The following ALMS1 variants were observed in gnomAD, a reference collection of about 807,000 sequenced individuals.
ALMS1 encodes the protein ALMS1 centrosome and basal body associated protein.
In ALMS1, 271 loss-of-function variants were observed where a neutral mutation model predicts 352.2. The observed-to-expected ratio is 0.77, with a 90% CI of 0.70 to 0.85. The LOEUF (loss-of-function observed/expected upper bound fraction) is 0.85, where lower values mean the gene tolerates loss of function less well. Among genes scored for constraint, ALMS1 ranks in the 40% least tolerant of loss-of-function variants. The pLI, the probability that ALMS1 is intolerant of heterozygous loss-of-function variation, is 0.00. For synonymous variants in ALMS1, 1,865 were observed against 1,761.2 expected (o/e 1.06, Z -1.48); for missense variants, 5,445 against 4,870.7 (o/e 1.12, Z -3.51).
At chr2:73,596,317 G>C (rs971767538) in intron 16 of ALMS1, among the ~76,000 whole-genome samples, 3 of 152,058 alleles carry the variant, frequency 2.0e-5, no homozygotes, top group Non-Finnish European at 4.4e-5. Context: ...TCATCTCTTT[G>C]CATAGGGATA....
rs1025143120 is a variant in ALMS1, at chr2:73,514,010, T to G, written c.9540-5765T>G. ...TGGGAAAGATAAAAGAAAGGGAGAA[T>G]AGAAACACAGGAGAGGGGAAAGAGA... is the stretch of plus-strand genomic sequence containing the variant. On this transcript the variant is annotated intron_variant, in intron 10 of 22. Coordinates refer to ENST00000613296, the MANE Select transcript of ALMS1 (RefSeq NM_001378454.1). Among the ~76,000 whole-genome samples, 3 of 152,270 alleles carry G rather than the reference T, an allele frequency of 2.0e-5. No homozygotes were observed. In the South Asian group the frequency reaches 6.2e-4, roughly 32 times the overall value.
chr2:73,418,169 G>T (rs1671215182), intron 2 of ALMS1, among the ~76,000 whole-genome samples: 1 of 152,060 alleles, frequency 6.6e-6, no homozygotes, highest in Non-Finnish European at 1.5e-5. Context: ...TAGCATTTTA[G>T]TAAAGTGTCA....
chr2:73,406,919 C>G (rs970962360), intron 1 of ALMS1, among the ~76,000 whole-genome samples: 3 of 152,220 alleles, frequency 2.0e-5, no homozygotes, highest in Admixed American at 2.0e-4. Flanking sequence ...GCCACCGCAC[C>G]TGGCCAAAGT....
intron 7 of ALMS1, among the ~76,000 whole-genome samples, chr2:73,442,750 T>C (rs1054142225): frequency 2.0e-5 from 3 of 152,156 alleles, no homozygotes; most frequent in African/African-American, 7.2e-5. Flanking sequence ...CTAGGTAATA[T>C]CAACACCCAG....
intron 10 of ALMS1, among the ~76,000 whole-genome samples, chr2:73,514,553 T>C (rs1302650245): frequency 6.6e-6 from 1 of 152,126 alleles, no homozygotes; most frequent in African/African-American, 2.4e-5. Flanking sequence ...TTCTTTTCCA[T>C]ATATATGTAT....
chr2:73,493,414 A>G (rs1284716877), intron 10 of ALMS1, among the ~76,000 whole-genome samples: 3 of 151,174 alleles, frequency 2.0e-5, no homozygotes, highest in African/African-American at 7.3e-5. Context: ...AAATATATAT[A>G]TAATACCTTA....
At chr2:73,608,635 A>C in intron 22 of ALMS1, 61 bp downstream of exon 22, 1 of 1,333,398 alleles carries the variant, frequency 7.5e-7, no homozygotes, top group Non-Finnish European at 1.1e-6. Flanking sequence ...AGAGAAATGG[A>C]GAAAACACGT....
intron 15 of ALMS1, among the ~76,000 whole-genome samples, chr2:73,571,660 A>G (rs1465535650): frequency 1.3e-5 from 2 of 152,210 alleles, no homozygotes; most frequent in Non-Finnish European, 2.9e-5. Flanking sequence ...AAGATATTAC[A>G]TCTAAAAATG....
chr2:73,434,060 GTTTC>G (rs757005544), intron 7 of ALMS1, among the ~76,000 whole-genome samples: 5 of 151,214 alleles, frequency 3.3e-5, no homozygotes, highest in Admixed American at 6.6e-5. Context: ...AAATAAACTG[GTTTC>G]TTTATTTTTT....
chr2:73,559,014 G>A lies in ALMS1; in HGVS notation c.10256G>A (p.Gly3419Glu). 6.2e-7 allele frequency: 1 copy of A among 1,614,022 alleles called. No homozygotes were observed. Among genetic ancestry groups the A allele is most frequent in the East Asian group, 2.2e-5 (1 of 44,874 alleles). ...GCTGCAGAGCACTCAGCTCAAGTAG[G>A]AGACCCAGAAATGAAGAACTTGCCA... Reference protein sequence around the residue: ...AAAAEHSAQVGDPEMKNLPDT... With the variant: ...AAAAEHSAQVEDPEMKNLPDT... The change falls in exon 15 of 23, where the codon GGA becomes GAA. Residue 3419 changes from glycine to glutamate, a missense_variant. By Grantham distance (98) the Gly-to-Glu change is moderately conservative (BLOSUM62 -2). Coordinates refer to ENST00000613296, the MANE Select transcript of ALMS1 (RefSeq NM_001378454.1).
At chr2:73,532,516 A>G (rs534841940) in intron 11 of ALMS1, among the ~76,000 whole-genome samples, 1 of 152,260 alleles carries the variant, frequency 6.6e-6, no homozygotes, top group South Asian at 2.1e-4. Context: ...CCACTGCCCC[A>G]GGCTTGTGGT....
At chr2:73,411,143 T>G (rs991558540) in intron 2 of ALMS1, among the ~76,000 whole-genome samples, 8 of 152,020 alleles carry the variant, frequency 5.3e-5, no homozygotes, top group African/African-American at 1.9e-4. Context: ...GAGTAGGGTT[T>G]GCTCTTAATC....
At chr2:73,435,540 C>CTT (rs34522616) in intron 7 of ALMS1, among the ~76,000 whole-genome samples, 126 of 149,844 alleles carry the variant, frequency 8.4e-4, no homozygotes, top group Non-Finnish European at 1.3e-3. Flanking sequence ...TCTATTCCCT[C>CTT]TTTTTTTTTG....
At chr2:73,463,685 C>A (rs2103820842) in intron 9 of ALMS1, among the ~76,000 whole-genome samples, 1 of 123,450 alleles carries the variant, frequency 8.1e-6, no homozygotes, top group East Asian at 2.2e-4. Context: ...AAAGGATCAA[C>A]AAAAGACCGC....
chr2:73,557,724 C>A (rs1223446248), intron 14 of ALMS1, among the ~76,000 whole-genome samples: 1 of 152,136 alleles, frequency 6.6e-6, no homozygotes, highest in African/African-American at 2.4e-5. Flanking sequence ...TTTAGGAATT[C>A]AGCTTGTTTA....
chr2:73,587,794 A>G (rs1675342437), intron 16 of ALMS1, among the ~76,000 whole-genome samples: 2 of 152,226 alleles, frequency 1.3e-5, no homozygotes, highest in African/African-American at 4.8e-5. Context: ...AGAAAAGAAG[A>G]GAGAAGATCC....
intron 5 of ALMS1, among the ~76,000 whole-genome samples, chr2:73,425,188 A>T (rs145571326): frequency 0.011 from 1,710 of 152,282 alleles, 12 homozygotes; most frequent in Non-Finnish European, 0.018. Flanking sequence ...TATTTTGAGA[A>T]TGTTTATTTA....
intron 16 of ALMS1, among the ~76,000 whole-genome samples, chr2:73,581,106 G>A (rs1481997628): frequency 6.6e-6 from 1 of 152,058 alleles, no homozygotes; most frequent in Non-Finnish European, 1.5e-5. Context: ...AGTTTCCCTG[G>A]TATACATGGG....
chr2:73,588,738 C>T (rs1414981332), intron 16 of ALMS1, among the ~76,000 whole-genome samples: 1 of 152,066 alleles, frequency 6.6e-6, no homozygotes, highest in Non-Finnish European at 1.5e-5. Flanking sequence ...AGCAGGTGGG[C>T]AAATAAACAA....
Sources: gnomAD v4.1 joint callset for allele counts (sites outside exome capture counted in the v4.1 genomes callset) on GRCh38, gnomAD v4.1.1 for gene constraint, MANE v1.5 for transcripts, NCBI Gene and HGNC (gene_info 2026-07-23, HGNC 2026-07-21) for gene names.